Variants in CUL3 observed in about 807,000 individuals in gnomAD.
CUL3 encodes cullin 3, also known as cullin-3.
A neutral mutation model predicts 89.1 loss-of-function variants in CUL3; 19 were observed. The observed-to-expected ratio is 0.21, with a 90% CI of 0.15 to 0.31. CUL3 has a LOEUF of 0.31. Among genes scored for constraint, CUL3 ranks in the 10% least tolerant of loss-of-function variants. The probability of loss-of-function intolerance (pLI) is 1.00; values close to 1 mark genes in which losing one functional copy is unlikely to be tolerated. For synonymous variants in CUL3, 351 were observed against 308.4 expected (o/e 1.14, Z -1.45); for missense variants, 469 against 942.3 (o/e 0.50, Z 6.58).
intron 3 of CUL3, among the ~76,000 whole-genome samples, chr2:224,524,320 G>C (rs1040314167): frequency 6.6e-6 from 1 of 152,074 alleles, no homozygotes; most frequent in African/African-American, 2.4e-5. Context: ...AAGATGTCAA[G>C]GTTCTGAAGA....
At chr2:224,525,701 C>G (rs1243282960) in intron 3 of CUL3, among the ~76,000 whole-genome samples, 1 of 152,160 alleles carries the variant, frequency 6.6e-6, no homozygotes, top group Non-Finnish European at 1.5e-5. Flanking sequence ...GTATTATTTG[C>G]TCTTTTGAGT....
chr2:224,486,813 T>A (rs528825258), intron 13 of CUL3, among the ~76,000 whole-genome samples: 81 of 151,996 alleles, frequency 5.3e-4, no homozygotes, highest in African/African-American at 1.8e-3. Flanking sequence ...AGACACATAA[T>A]CATCAGATTC....
At chr2:224,538,595 C>G (rs1693977576) in intron 2 of CUL3, among the ~76,000 whole-genome samples, 1 of 152,138 alleles carries the variant, frequency 6.6e-6, no homozygotes, top group African/African-American at 2.4e-5. Flanking sequence ...AGAACCAAAA[C>G]AGCCTATGGA....
chr2:224,484,417 T>C (rs186018782), intron 13 of CUL3, among the ~76,000 whole-genome samples: 12 of 152,250 alleles, frequency 7.9e-5, no homozygotes, highest in African/African-American at 2.9e-4. Flanking sequence ...GCTTTCTCTA[T>C]CTATATTCCT....
chr2:224,549,348 A>G (rs956863218), intron 2 of CUL3, among the ~76,000 whole-genome samples: 1 of 152,038 alleles, frequency 6.6e-6, no homozygotes, highest in Admixed American at 6.6e-5. Flanking sequence ...AAAAAAATTG[A>G]AACATTTTTA....
intron 2 of CUL3, among the ~76,000 whole-genome samples, chr2:224,551,642 C>A (rs1378669342): frequency 6.6e-6 from 1 of 152,074 alleles, no homozygotes; most frequent in Admixed American, 6.5e-5. Flanking sequence ...CTGCACTCAG[C>A]CTGCTGCCTT....
intron 1 of CUL3, among the ~76,000 whole-genome samples, chr2:224,572,879 CCTTGAT>C (rs1169274697): frequency 6.6e-6 from 1 of 152,124 alleles, no homozygotes; most frequent in African/African-American, 2.4e-5. Context: ...ACCTGCAGCA[CCTTGAT>C]CTTGAACTTC....
chr2:224,484,269 C>T (rs1008258157), intron 13 of CUL3, among the ~76,000 whole-genome samples: 2 of 152,068 alleles, frequency 1.3e-5, no homozygotes, highest in African/African-American at 2.4e-5. Context: ...TATCCACTCC[C>T]TCACACCCTC....
At position 224,482,019 on chromosome 2, in the gene CUL3, G is replaced by A. The variant is rs745765743; in HGVS notation, c.1902C>T (p.Leu634=). 13 of 1,609,046 alleles carry A rather than the reference G, an allele frequency of 8.1e-6. No individual in the cohort carries two copies. Among genetic ancestry groups the A allele is most frequent in the East Asian group, 4.5e-5 (2 of 44,668 alleles). ...ERELVRALQS[L]ACGKPTQRVL... ...CCCGCTGTGTTGGTTTACCACAGGCGAGGGACTGTAGGGCTCTAACAAGCT... is the reference window on the plus strand; with the variant it reads ...CCCGCTGTGTTGGTTTACCACAGGCAAGGGACTGTAGGGCTCTAACAAGCT... Residue 634 remains leucine, a synonymous_variant, in exon 14 of 16, where the codon CTC becomes CTT. Transcript: ENST00000264414.
chr2:224,584,734 G>T (rs1422877881), intron 1 of CUL3, among the ~76,000 whole-genome samples: 1 of 147,276 alleles, frequency 6.8e-6, no homozygotes, highest in Non-Finnish European at 1.5e-5. Context: ...GCCAGGCCCG[G>T]GCTCCCGGCG....
Position 224,471,189 on chromosome 2 carries a change from A to AAT in CUL3, c.*3054_*3055dup, listed in dbSNP as rs1332635442. 4.7e-6 allele frequency: 1 copy of AAT among 212,632 alleles called. No homozygotes were observed. The highest frequency in any genetic ancestry group is 5.8e-5 in the Admixed American group (1 of 17,114). The allele number at this position is 212,632 out of a possible 1,614,324, so 13.2% of individuals were successfully genotyped here. A position where few individuals can be genotyped will look rare whatever the true frequency, so the allele number is the denominator to read the frequency against. ...CAAAATACTATGCAACATATAGTAA[A>AAT]ATACATGACCTACAATTGATATGCA... On this transcript the variant is annotated 3_prime_UTR_variant, in exon 16 of 16. Coordinates refer to ENST00000264414, the MANE Select transcript of CUL3 (RefSeq NM_003590.5).
At chr2:224,530,677 C>T (rs557474739) in intron 3 of CUL3, among the ~76,000 whole-genome samples, 138 of 152,238 alleles carry the variant, frequency 9.1e-4, no homozygotes, top group African/African-American at 3.1e-3. Context: ...GAGGCTGAGG[C>T]GGGTAGATCA....
intron 3 of CUL3, among the ~76,000 whole-genome samples, chr2:224,524,970 C>A: frequency 2.1e-5 from 3 of 146,244 alleles, no homozygotes; most frequent in African/African-American, 2.6e-5. Context: ...AAATAATAAG[C>A]TAATGGGGGT....
At chr2:224,532,394 T>C (rs963476575) in intron 3 of CUL3, among the ~76,000 whole-genome samples, 1 of 151,848 alleles carries the variant, frequency 6.6e-6, no homozygotes, top group South Asian at 2.1e-4. Flanking sequence ...AGAGAGTTCT[T>C]TGTTACAGAA....
intron 2 of CUL3, among the ~76,000 whole-genome samples, chr2:224,548,034 GTACAAAAGA>G: frequency 6.6e-6 from 1 of 152,212 alleles, no homozygotes; most frequent in Admixed American, 6.5e-5. Context: ...AAGACCCTAG[GTACAAAAGA>G]TAAATGGTGA....
At position 224,472,022 on chromosome 2, in the gene CUL3, T is replaced by C; in HGVS notation, c.*2223A>G. Reference sequence around the variant, plus strand: ...AAGCAATGTTAAATGTATTTTGTTATAACCTTTATGACCTAAAATAATACT... The same window carrying C: ...AAGCAATGTTAAATGTATTTTGTTACAACCTTTATGACCTAAAATAATACT... On this transcript the variant is annotated 3_prime_UTR_variant, in exon 16 of 16. Transcript: ENST00000264414. The C allele has an allele frequency of 4.3e-6, 1 of 231,272 alleles. No homozygotes were observed. Among genetic ancestry groups the C allele is most frequent in the Non-Finnish European group, 8.6e-6 (1 of 116,798 alleles). The allele number at this position is 231,272 out of a possible 1,614,324, so 14.3% of individuals were successfully genotyped here. A position where few individuals can be genotyped will look rare whatever the true frequency, so the allele number is the denominator to read the frequency against.
chr2:224,512,946 G>T (rs928663406), intron 5 of CUL3, among the ~76,000 whole-genome samples: 9 of 152,104 alleles, frequency 5.9e-5, no homozygotes, highest in Non-Finnish European at 1.2e-4. Context: ...ACCTTAGACA[G>T]CAAGATCAAG....
At chr2:224,566,520 T>C (rs145530866) in intron 1 of CUL3, among the ~76,000 whole-genome samples, 48 of 152,350 alleles carry the variant, frequency 3.2e-4, no homozygotes, top group African/African-American at 1.1e-3. Context: ...TAGGGCACTT[T>C]TGTCTACATC....
intron 1 of CUL3, among the ~76,000 whole-genome samples, chr2:224,567,740 A>G (rs1695080834): frequency 1.0e-5 from 1 of 95,920 alleles, no homozygotes; most frequent in Non-Finnish European, 2.1e-5. Flanking sequence ...ACTCTGTCTC[A>G]AAAAAAAAAA....
Sources: allele counts gnomAD v4.1 joint callset (sites outside exome capture counted in the v4.1 genomes callset), GRCh38; gene constraint gnomAD v4.1.1; transcripts MANE v1.5; gene names NCBI Gene and HGNC (gene_info 2026-07-23, HGNC 2026-07-21).